Variants in ALMS1 observed in about 807,000 individuals in gnomAD.
ALMS1 encodes centrosome-associated protein ALMS1.
In ALMS1, 271 loss-of-function variants were observed where a neutral mutation model predicts 352.2. The ratio of observed to expected loss-of-function variants is 0.77; its 90% CI spans 0.70 to 0.85. The LOEUF is 0.85. Ranked by LOEUF, ALMS1 falls within the 40% of genes least tolerant of loss-of-function variation. The probability of loss-of-function intolerance (pLI) is 0.00; values close to 1 mark genes in which losing one functional copy is unlikely to be tolerated. For synonymous variants in ALMS1, 1,865 were observed against 1,761.2 expected, an observed-to-expected ratio of 1.06 and a Z score of -1.48; for missense variants, 5,445 against 4,870.7, an observed-to-expected ratio of 1.12 and a Z score of -3.51.
chr2:73,539,453 TA>T (rs1674113383), intron 12 of ALMS1, among the ~76,000 whole-genome samples: 1 of 152,010 alleles, frequency 6.6e-6, no homozygotes, highest in Non-Finnish European at 1.5e-5. Flanking sequence ...CTGAAAATTC[TA>T]AAAATCGGAG....
chr2:73,473,581 G>C (rs561951474), intron 9 of ALMS1, among the ~76,000 whole-genome samples: 2 of 152,122 alleles, frequency 1.3e-5, no homozygotes, highest in Middle Eastern at 6.8e-3. Context: ...AACTATCCCT[G>C]AGGAAGCCCA....
At chr2:73,454,109 A>G in intron 8 of ALMS1, 42 bp downstream of exon 8, 5 of 1,563,314 alleles carry the variant, frequency 3.2e-6, no homozygotes, top group Middle Eastern at 1.7e-4. Context: ...ATAGTTTAAT[A>G]ATGTGTTTAA....
Position 73,453,588 on chromosome 2 carries a change from T to C in ALMS1, c.7061T>C (p.Ile2354Thr), listed in dbSNP as rs1671996370. Residue 2354 changes from isoleucine to threonine, a missense_variant, in exon 8 of 23, where the codon ATT becomes ACT. By Grantham distance (89) the Ile-to-Thr change is moderately conservative (BLOSUM62 -1). Coordinates refer to ENST00000613296, the MANE Select transcript of ALMS1 (RefSeq NM_001378454.1). The stretch of plus-strand genomic sequence containing the variant: ...AGAGGCATTGAAAATTGGGAGTTTA[T>C]TAGTTCAACTACAGTTAGAAGTCCT... Reference protein sequence around the residue: ...CRRGIENWEFISSTTVRSPLQ... With the variant: ...CRRGIENWEFTSSTTVRSPLQ... The C allele has an allele frequency of 6.2e-7, 1 of 1,613,922 alleles. No individual in the cohort carries two copies. The highest frequency in any genetic ancestry group is 8.5e-7 in the Non-Finnish European group (1 of 1,179,988).
intron 12 of ALMS1, 77 bp from the exon 13 acceptor site, chr2:73,550,190 G>C: frequency 6.5e-7 from 1 of 1,540,742 alleles, no homozygotes; most frequent in South Asian, 1.2e-5. Context: ...ATTGGTCTAA[G>C]AGGCAAATTT....
chr2:73,396,693 G>C (rs1434973784), intron 1 of ALMS1, among the ~76,000 whole-genome samples: 1 of 150,318 alleles, frequency 6.7e-6, no homozygotes, highest in Admixed American at 6.6e-5. Context: ...GCACAGGCTG[G>C]GGGTGCAGTG....
At chr2:73,465,982 A>G (rs1254668463) in intron 9 of ALMS1, among the ~76,000 whole-genome samples, 1 of 149,018 alleles carries the variant, frequency 6.7e-6, no homozygotes, top group Non-Finnish European at 1.5e-5. Context: ...AAGTCAGGAA[A>G]CAACAGGTGC....
At position 73,601,984 on chromosome 2, in the gene ALMS1, G is replaced by T. The variant is rs1675702026; in HGVS notation, c.12115-201G>T. ...AGTTCCTGGCCTATGCTGAAGGCAT[G>T]TCTTTGATCCCTGCGGTTTCCAAGC... On this transcript the variant is annotated intron_variant, in intron 19 of 22. Coordinates refer to ENST00000613296, the MANE Select transcript of ALMS1 (RefSeq NM_001378454.1). Among the ~76,000 whole-genome samples the T allele has an allele frequency of 2.6e-5, 4 of 152,318 alleles. No homozygotes were observed. The South Asian group carries it at 8.3e-4, about 32-fold the overall frequency.
At chr2:73,392,832 C>T (rs2103635226) in intron 1 of ALMS1, among the ~76,000 whole-genome samples, 1 of 152,128 alleles carries the variant, frequency 6.6e-6, no homozygotes, top group Non-Finnish European at 1.5e-5. Flanking sequence ...TATGTGTGGA[C>T]ATATGGATTC....
chr2:73,437,825 C>T (rs976727712), intron 7 of ALMS1, among the ~76,000 whole-genome samples: 2 of 152,164 alleles, frequency 1.3e-5, no homozygotes, highest in African/African-American at 2.4e-5. Context: ...GGAGAGGCTT[C>T]CTACACAGCC....
At chr2:73,389,806 C>T (rs902910744) in intron 1 of ALMS1, among the ~76,000 whole-genome samples, 3 of 152,096 alleles carry the variant, frequency 2.0e-5, no homozygotes, top group Non-Finnish European at 4.4e-5. Context: ...TCTCCTGCCT[C>T]AGCCTCCCGA....
At chr2:73,513,106 C>T (rs765003681) in intron 10 of ALMS1, among the ~76,000 whole-genome samples, 1 of 152,120 alleles carries the variant, frequency 6.6e-6, no homozygotes, top group East Asian at 1.9e-4. Flanking sequence ...TTCTTGCCAA[C>T]CTCTCCCCAG....
Position 73,395,752 on chromosome 2 carries a change from C to T in ALMS1, c.324+9560C>T, listed in dbSNP as rs1157254907. 5.9e-5 allele frequency among the ~76,000 whole-genome samples: 9 copies of T among 152,058 alleles called. No individual in the cohort carries two copies. In the East Asian group the frequency reaches 1.7e-3, roughly 29 times the overall value. On this transcript the variant is annotated intron_variant, in intron 1 of 22. Transcript: ENST00000613296. ...GCAAATATATATAGCTTTATTTTTT[C>T]TTTCCAATCTGGATGCCTTTTATGT... is the stretch of plus-strand genomic sequence containing the variant.
chr2:73,425,382 G>C (rs549556383), intron 5 of ALMS1, among the ~76,000 whole-genome samples: 49 of 152,276 alleles, frequency 3.2e-4, no homozygotes, highest in Admixed American at 3.3e-4. Flanking sequence ...GAATGTTATA[G>C]CTCCTGATAA....
chr2:73,602,453 G>C, intron 20 of ALMS1, 85 bp downstream of exon 20: 1 of 1,524,096 alleles, frequency 6.6e-7, no homozygotes, highest in Non-Finnish European at 9.0e-7. Context: ...CTAAAGGCCA[G>C]CCCAGGCCAG....
intron 10 of ALMS1, among the ~76,000 whole-genome samples, chr2:73,501,638 T>C (rs962942763): frequency 3.9e-5 from 6 of 152,138 alleles, no homozygotes; most frequent in African/African-American, 1.4e-4. Flanking sequence ...TTCTACTCTG[T>C]TTCTTTGTTC....
chr2:73,604,228 A>G (rs1336752290), intron 21 of ALMS1, among the ~76,000 whole-genome samples: 2 of 152,212 alleles, frequency 1.3e-5, no homozygotes, highest in Non-Finnish European at 2.9e-5. Flanking sequence ...AACATTAGCT[A>G]CTCGTTAATT....
At chr2:73,402,858 C>T (rs1016306205) in intron 1 of ALMS1, among the ~76,000 whole-genome samples, 1 of 151,950 alleles carries the variant, frequency 6.6e-6, no homozygotes, top group African/African-American at 2.4e-5. Context: ...TGTTCAGGTC[C>T]GTTGCCCATT....
chr2:73,418,122 G>A (rs1157034889), intron 2 of ALMS1, among the ~76,000 whole-genome samples: 1 of 151,996 alleles, frequency 6.6e-6, no homozygotes, highest in Admixed American at 6.6e-5. Flanking sequence ...TATTTTTACT[G>A]GTTTTAAAAA....
Position 73,573,293 on chromosome 2 carries a change from A to G in ALMS1, c.11416A>G (p.Ile3806Val). 6.2e-7 allele frequency: 1 copy of G among 1,614,116 alleles called. No homozygotes were observed. Among genetic ancestry groups the G allele is most frequent in the Non-Finnish European group, 8.5e-7 (1 of 1,179,996 alleles). Reference sequence around the variant, plus strand: ...AAGAGTATGCTTGTCACCCAGACGAATTAAATTATATAGCAGCATCACCAA... The same window carrying G: ...AAGAGTATGCTTGTCACCCAGACGAGTTAAATTATATAGCAGCATCACCAA... ...HERVCLSPRR[I>V]KLYSSITNQQ... is the part of the protein sequence containing the mutation. The change falls in exon 16 of 23, where the codon ATT (isoleucine) becomes GTT (valine). Residue 3806 changes from isoleucine to valine, a missense_variant. Ile to Val is a conservative substitution (Grantham distance 29, BLOSUM62 3). Transcript: ENST00000613296.
Sources: allele counts gnomAD v4.1 joint callset (sites outside exome capture counted in the v4.1 genomes callset), GRCh38; gene constraint gnomAD v4.1.1; transcripts MANE v1.5; gene names NCBI Gene and HGNC (gene_info 2026-07-23, HGNC 2026-07-21).